Variants in EPB41L2 observed in about 807,000 individuals in gnomAD.
EPB41L2 encodes erythrocyte membrane protein band 4.1 like 2, also known as band 4.1-like protein 2.
A neutral mutation model predicts 113.0 loss-of-function variants in EPB41L2; 43 were observed. The observed-to-expected ratio is 0.38, with a 90% CI of 0.30 to 0.49. The LOEUF (loss-of-function observed/expected upper bound fraction) is 0.49. Among genes scored for constraint, EPB41L2 ranks in the 20% least tolerant of loss-of-function variants. The probability of loss-of-function intolerance (pLI) is 0.95; values close to 1 mark genes in which losing one functional copy is unlikely to be tolerated. For synonymous variants in EPB41L2, 442 were observed against 436.7 expected, an observed-to-expected ratio of 1.01 and a Z score of -0.15; for missense variants, 1,147 against 1,223.4, an observed-to-expected ratio of 0.94 and a Z score of 0.93.
chr6:131,029,215 A>G (rs1791524085), intron 1 of EPB41L2, among the ~76,000 whole-genome samples: 1 of 152,126 alleles, frequency 6.6e-6, no homozygotes, highest in African/African-American at 2.4e-5. Context: ...AAATTCTGGT[A>G]AGGAAATACA....
chr6:130,972,934 A>G (rs1777205867), intron 1 of EPB41L2, among the ~76,000 whole-genome samples: 2 of 102,944 alleles, frequency 1.9e-5, no homozygotes, highest in Admixed American at 1.0e-4. Flanking sequence ...TCTACTAAAG[A>G]TACAAAAAAA....
chr6:130,877,361 C>T (rs546677061), intron 14 of EPB41L2, among the ~76,000 whole-genome samples: 4 of 152,184 alleles, frequency 2.6e-5, no homozygotes, highest in South Asian at 2.1e-4. Context: ...GTATGATAAA[C>T]GAGCCCATGG....
intron 1 of EPB41L2, among the ~76,000 whole-genome samples, chr6:131,026,136 T>C (rs1031770478): frequency 2.6e-5 from 4 of 152,184 alleles, no homozygotes; most frequent in African/African-American, 9.7e-5. Context: ...ATAGCCTTAT[T>C]GAGTGGACAG....
At chr6:130,911,806 T>A (rs549872102) in intron 4 of EPB41L2, among the ~76,000 whole-genome samples, 1 of 152,180 alleles carries the variant, frequency 6.6e-6, no homozygotes, top group South Asian at 2.1e-4. Context: ...ATAGGAGAAG[T>A]GCAATTTTTG....
intron 8 of EPB41L2, among the ~76,000 whole-genome samples, chr6:130,897,085 A>G (rs1350406779): frequency 6.6e-6 from 1 of 152,098 alleles, no homozygotes; most frequent in Admixed American, 6.6e-5. Context: ...AGAGATTAGG[A>G]TAGCTGCAGA....
At chr6:130,912,290 C>G (rs1243925937) in intron 4 of EPB41L2, among the ~76,000 whole-genome samples, 1 of 152,138 alleles carries the variant, frequency 6.6e-6, no homozygotes, top group African/African-American at 2.4e-5. Flanking sequence ...ATAAAGCAAA[C>G]AATTAAAATG....
intron 1 of EPB41L2, among the ~76,000 whole-genome samples, chr6:131,053,407 G>A (rs1288396650): frequency 3.4e-4 from 47 of 140,226 alleles, no homozygotes; most frequent in East Asian, 4.2e-4. Flanking sequence ...ATTAGGAGAC[G>A]GGACGAAGGG....
chr6:130,899,797 T>TA (rs1795791281), intron 7 of EPB41L2, among the ~76,000 whole-genome samples: 1 of 151,884 alleles, frequency 6.6e-6, no homozygotes, highest in South Asian at 2.1e-4. Flanking sequence ...GAGGTATACC[T>TA]CCACTCTTAC....
intron 2 of EPB41L2, among the ~76,000 whole-genome samples, 192 bp downstream of exon 2, chr6:130,955,802 T>C (rs909098450): frequency 1.3e-5 from 2 of 152,184 alleles, no homozygotes; most frequent in Admixed American, 6.5e-5. Flanking sequence ...TTGGTATATA[T>C]AGGGGACTTT....
At chr6:130,883,272 A>G (rs1789885588) in intron 12 of EPB41L2, 1 of 152,586 alleles carries the variant, frequency 6.6e-6, no homozygotes, top group African/African-American at 2.4e-5. Context: ...AAAAATGAGT[A>G]GTTAGTGAAA....
chr6:130,982,475 T>C (rs1157865096), intron 1 of EPB41L2, among the ~76,000 whole-genome samples: 1 of 152,174 alleles, frequency 6.6e-6, no homozygotes, highest in African/African-American at 2.4e-5. Flanking sequence ...TGTTACCTTT[T>C]TGACAGCAAT....
chr6:131,052,926 G>A (rs562063795), intron 1 of EPB41L2, among the ~76,000 whole-genome samples: 8 of 151,364 alleles, frequency 5.3e-5, no homozygotes, highest in African/African-American at 1.5e-4. Context: ...GAGGAGTTTC[G>A]CTCTTGTTGC....
Position 130,848,197 on chromosome 6 carries a change from T to TCACA in EPB41L2, c.*6-7600_*6-7599insTGTG, listed in dbSNP as rs1309842285. ...GTCTCTCTCTGTCTCTCTCTCTCTC[T>TCACA]CTCACACACACACACACACACACAC... On this transcript the variant is annotated intron_variant, in intron 19 of 19. Coordinates refer to ENST00000337057, the MANE Select transcript of EPB41L2 (RefSeq NM_001431.4). Among the ~76,000 whole-genome samples the TCACA allele has an allele frequency of 3.9e-3, 498 of 127,770 alleles. 6 individuals carry two copies. In the East Asian group the frequency reaches 0.067, roughly 17 times the overall value. The allele number at this position is 127,770 out of a possible 152,430, so 83.8% of individuals were successfully genotyped here. A position where few individuals can be genotyped will look rare whatever the true frequency, so the allele number is the denominator to read the frequency against.
chr6:131,011,328 A>C (rs1285251141), intron 1 of EPB41L2, among the ~76,000 whole-genome samples: 3 of 152,236 alleles, frequency 2.0e-5, no homozygotes, highest in Admixed American at 6.5e-5. Flanking sequence ...AGCATAAAAG[A>C]CCACTACAAG....
intron 10 of EPB41L2, among the ~76,000 whole-genome samples, chr6:130,891,355 G>A (rs1441678728): frequency 3.3e-5 from 5 of 151,812 alleles, no homozygotes; most frequent in African/African-American, 4.8e-5. Context: ...AAGAATCCCT[G>A]TACAACACTC....
In EPB41L2 at chr6:130,948,577, T is replaced by C. The variant is rs572164157; in HGVS notation, c.705+6528A>G. On this transcript the variant is annotated intron_variant, in intron 3 of 19. Transcript: ENST00000337057. ...AAATTAAATGGCAAAATAGAGTCAC[T>C]AATCTCAGTAGTACTAAAAATAAAT... is the stretch of plus-strand genomic sequence containing the variant. Among the ~76,000 whole-genome samples the C allele has an allele frequency of 7.9e-5, 12 of 152,216 alleles. No individual in the cohort carries two copies. The South Asian group carries it at 2.5e-3, about 32-fold the overall frequency.
intron 3 of EPB41L2, among the ~76,000 whole-genome samples, chr6:130,944,362 G>C (rs1011207630): frequency 4.6e-5 from 7 of 152,268 alleles, no homozygotes; most frequent in African/African-American, 1.4e-4. Context: ...CTTTCTATGA[G>C]AAGTATTTTA....
chr6:130,947,105 C>T (rs1176572471), intron 3 of EPB41L2, among the ~76,000 whole-genome samples: 1 of 145,858 alleles, frequency 6.9e-6, no homozygotes, highest in Non-Finnish European at 1.5e-5. Context: ...TTTGCTAGGT[C>T]CTGTATACCA....
intron 19 of EPB41L2, among the ~76,000 whole-genome samples, chr6:130,843,935 A>G (rs925857715): frequency 6.6e-6 from 1 of 152,214 alleles, no homozygotes; most frequent in African/African-American, 2.4e-5. Flanking sequence ...AAGTCCATAC[A>G]TACAAGTTCT....
Sources: gnomAD v4.1 joint callset for allele counts (sites outside exome capture counted in the v4.1 genomes callset) on GRCh38, gnomAD v4.1.1 for gene constraint, MANE v1.5 for transcripts, NCBI Gene and HGNC (gene_info 2026-07-23, HGNC 2026-07-21) for gene names.